EGFLAM: variants seen among roughly 807,000 people sequenced by gnomAD.
EGFLAM encodes EGF like, fibronectin type III and laminin G domains.
In EGFLAM, 79 loss-of-function variants were observed where a neutral mutation model predicts 113.1. That is an observed-to-expected ratio of 0.70 (90% CI 0.58 to 0.84). The LOEUF is 0.84. EGFLAM is among the 40% of genes least tolerant of loss of function. The pLI is 0.00. For synonymous variants in EGFLAM, 504 were observed against 487.6 expected (o/e 1.03, Z -0.44); for missense variants, 1,265 against 1,291.6 (o/e 0.98, Z 0.32).
intron 2 of EGFLAM, 41 bp from the exon 3 acceptor site, chr5:38,338,657 C>G (rs1455652437): frequency 1.8e-5 from 29 of 1,591,382 alleles, no homozygotes; most frequent in Middle Eastern, 1.7e-4. Flanking sequence ...CTTACACAAG[C>G]ACGGGCTCTG....
chr5:38,270,435 C>G (rs562519530), intron 1 of EGFLAM, among the ~76,000 whole-genome samples: 1 of 152,122 alleles, frequency 6.6e-6, no homozygotes, highest in African/African-American at 2.4e-5. Flanking sequence ...TCTCAAACAT[C>G]TCTTTGATGT....
chr5:38,432,926 C>T (rs1159339414), intron 15 of EGFLAM, among the ~76,000 whole-genome samples: 3 of 152,112 alleles, frequency 2.0e-5, no homozygotes, highest in South Asian at 2.1e-4. Flanking sequence ...GGCTTTTTTA[C>T]CTCTGGCGAC....
intron 12 of EGFLAM, among the ~76,000 whole-genome samples, chr5:38,423,294 G>A (rs1741893185): frequency 1.3e-5 from 2 of 152,000 alleles, no homozygotes; most frequent in African/African-American, 4.8e-5. Flanking sequence ...TGGCCATCCT[G>A]TTCACTCCCT....
rs189475674 is a variant in EGFLAM at position 38,452,526 on chromosome 5, A to T, written c.2687+1068A>T. On this transcript the variant is annotated intron_variant, in intron 19 of 21. Transcript: ENST00000322350. ...CATAAATTAGGAAGGGGCAGAAAGA[A>T]GACTTGGATACTGCCAAGCACAAAG... 1.3e-4 allele frequency among the ~76,000 whole-genome samples: 20 copies of T among 152,296 alleles called. No individual in the cohort carries two copies. The East Asian group carries it at 1.9e-3, about 15-fold the overall frequency.
chr5:38,353,488 C>T (rs1579810490), intron 5 of EGFLAM, among the ~76,000 whole-genome samples: 1 of 152,318 alleles, frequency 6.6e-6, no homozygotes, highest in South Asian at 2.1e-4. Context: ...AGGATTCTCC[C>T]AAGATTTGAT....
intron 1 of EGFLAM, among the ~76,000 whole-genome samples, chr5:38,316,268 A>C (rs114608672): frequency 0.014 from 2,111 of 151,960 alleles, 49 homozygotes; most frequent in African/African-American, 0.046. Flanking sequence ...CTGATTGAAC[A>C]TTTTACCTCT....
intron 6 of EGFLAM, among the ~76,000 whole-genome samples, chr5:38,398,543 G>A (rs1302774915): frequency 6.6e-6 from 1 of 152,196 alleles, no homozygotes. Context: ...AATTAAAAAG[G>A]TAAAGGGATG....
intron 17 of EGFLAM, among the ~76,000 whole-genome samples, chr5:38,439,829 A>G (rs924872827): frequency 6.6e-6 from 1 of 152,326 alleles, no homozygotes; most frequent in Admixed American, 6.5e-5. Context: ...TCACACATCA[A>G]TGTTTGAATT....
At chr5:38,323,571 G>A (rs577821429) in intron 1 of EGFLAM, among the ~76,000 whole-genome samples, 24 of 152,124 alleles carry the variant, frequency 1.6e-4, no homozygotes, top group East Asian at 1.5e-3. Flanking sequence ...ATTTGTAACC[G>A]TTATTGGTGA....
intron 17 of EGFLAM, among the ~76,000 whole-genome samples, chr5:38,441,611 C>T (rs780557810): frequency 1.3e-5 from 2 of 151,946 alleles, no homozygotes; most frequent in East Asian, 3.9e-4. Flanking sequence ...CACACACACA[C>T]ACACACACAC....
chr5:38,358,782 C>G (rs986930287), intron 5 of EGFLAM, among the ~76,000 whole-genome samples: 2 of 152,088 alleles, frequency 1.3e-5, no homozygotes, highest in Non-Finnish European at 2.9e-5. Context: ...TATTTGTTAG[C>G]TTTCTTTATA....
At chr5:38,281,212 A>G (rs947181029) in intron 1 of EGFLAM, among the ~76,000 whole-genome samples, 1 of 152,136 alleles carries the variant, frequency 6.6e-6, no homozygotes, top group Admixed American at 6.5e-5. Flanking sequence ...TTTTACCACA[A>G]ATATTTTTAA....
intron 19 of EGFLAM, among the ~76,000 whole-genome samples, chr5:38,454,455 G>C (rs1743021995): frequency 6.6e-6 from 1 of 152,226 alleles, no homozygotes; most frequent in East Asian, 1.9e-4. Context: ...TCATGTAAGG[G>C]GTTCAGTGTG....
At chr5:38,432,222 T>C (rs1434351940) in intron 15 of EGFLAM, among the ~76,000 whole-genome samples, 1 of 151,974 alleles carries the variant, frequency 6.6e-6, no homozygotes, top group Non-Finnish European at 1.5e-5. Flanking sequence ...TAAATTTGGG[T>C]ATATTAATAA....
intron 1 of EGFLAM, among the ~76,000 whole-genome samples, chr5:38,310,288 G>C (rs575499128): frequency 2.6e-5 from 4 of 152,256 alleles, no homozygotes; most frequent in Non-Finnish European, 5.9e-5. Flanking sequence ...GGGCTCCAGG[G>C]TGAGAGAGTT....
In EGFLAM at chr5:38,324,342, G is replaced by A. The variant is rs1738823675; in HGVS notation, c.98-13178G>A. ...TAAAACTTATCTCTAGCCCATAGGC[G>A]GTCCCACTGGAGGCTTACTCCTCCC... On this transcript the variant is annotated intron_variant, in intron 1 of 21. Coordinates refer to ENST00000322350, the MANE Select transcript of EGFLAM (RefSeq NM_152403.4). 3.3e-5 allele frequency among the ~76,000 whole-genome samples: 5 copies of A among 152,190 alleles called. 1 individual carries two copies. Among genetic ancestry groups the A allele is most frequent in the South Asian group, 4.2e-4 (2 of 4,814 alleles).
At chr5:38,407,930 A>T (rs1255678828) in intron 9 of EGFLAM, 25 bp downstream of exon 9, 4 of 1,558,424 alleles carry the variant, frequency 2.6e-6, no homozygotes, top group Non-Finnish European at 3.5e-6. Context: ...TTGTTTGATG[A>T]GTGCTTTTTG....
chr5:38,435,277 T>C (rs1357379306), intron 16 of EGFLAM, 24 bp downstream of exon 16: 1 of 1,539,606 alleles, frequency 6.5e-7, no homozygotes, highest in Non-Finnish European at 9.0e-7. Context: ...TTCCTCATGT[T>C]TACTGGGCCA....
chr5:38,414,723 A>G (rs1741586621), intron 11 of EGFLAM, among the ~76,000 whole-genome samples: 1 of 152,180 alleles, frequency 6.6e-6, no homozygotes, highest in African/African-American at 2.4e-5. Context: ...AGCAATGTTT[A>G]GTTTGGAGAA....
Sources: allele counts gnomAD v4.1 joint callset (sites outside exome capture counted in the v4.1 genomes callset), GRCh38; gene constraint gnomAD v4.1.1; transcripts MANE v1.5; gene names NCBI Gene and HGNC (gene_info 2026-07-23, HGNC 2026-07-21).